Variants in PFDN1 observed in about 807,000 individuals in gnomAD.
The protein encoded by PFDN1 is prefoldin subunit 1, also known as prefoldin 1.
A neutral mutation model predicts 17.3 loss-of-function variants in PFDN1; 6 were observed. The observed-to-expected ratio is 0.35, with a 90% CI of 0.19 to 0.69. PFDN1 has a LOEUF of 0.69. Ranked by LOEUF, PFDN1 falls within the 30% of genes least tolerant of loss-of-function variation. The pLI, the probability that PFDN1 is intolerant of heterozygous loss-of-function variation, is 0.65. For missense variants in PFDN1, 113 were observed against 146.2 expected (o/e 0.77, Z 1.17); for synonymous variants, 58 against 50.1 (o/e 1.16, Z -0.67).
At chr5:140,279,834 A>G (rs969375707) in intron 3 of PFDN1, among the ~76,000 whole-genome samples, 1 of 151,814 alleles carries the variant, frequency 6.6e-6, no homozygotes, top group Non-Finnish European at 1.5e-5. Flanking sequence ...CATCTCTACT[A>G]AAAACACAAA....
chr5:140,264,106 G>A (rs57706954), intron 3 of PFDN1, among the ~76,000 whole-genome samples: 2,097 of 146,764 alleles, frequency 0.014, 46 homozygotes, highest in East Asian at 0.065. Flanking sequence ...TGGTGAAAGC[G>A]AGGCAAAAGA....
At chr5:140,283,239 AT>A (rs949802335) in intron 2 of PFDN1, among the ~76,000 whole-genome samples, 20 of 148,844 alleles carry the variant, frequency 1.3e-4, no homozygotes, top group South Asian at 2.1e-4. Context: ...AGCCCAGATA[AT>A]TTTTTTTTTT....
At chr5:140,302,552 A>G (rs1031965262) in intron 1 of PFDN1, among the ~76,000 whole-genome samples, 2 of 152,232 alleles carry the variant, frequency 1.3e-5, no homozygotes, top group African/African-American at 4.8e-5. Flanking sequence ...TTGCTGCTAC[A>G]ATGCTTGGTT....
intron 2 of PFDN1, among the ~76,000 whole-genome samples, chr5:140,289,552 C>T (rs1765548529): frequency 6.6e-6 from 1 of 152,172 alleles, no homozygotes; most frequent in South Asian, 2.1e-4. Flanking sequence ...ATACTACAAG[C>T]ACTATGCAAG....
chr5:140,270,363 T>C (rs1311838855), intron 3 of PFDN1, among the ~76,000 whole-genome samples: 2 of 151,894 alleles, frequency 1.3e-5, no homozygotes, highest in Non-Finnish European at 2.9e-5. Context: ...TTCAAAGGGA[T>C]AGTTGGGTAT....
intron 1 of PFDN1, among the ~76,000 whole-genome samples, chr5:140,302,292 C>T (rs1478216714): frequency 1.3e-5 from 2 of 152,170 alleles, no homozygotes; most frequent in Non-Finnish European, 2.9e-5. Context: ...ACAAAGCATA[C>T]TGGTTTGGGG....
intron 2 of PFDN1, among the ~76,000 whole-genome samples, chr5:140,299,999 G>A (rs979462695): frequency 5.4e-4 from 82 of 151,970 alleles, no homozygotes; most frequent in African/African-American, 1.8e-3. Context: ...GCGATATAGC[G>A]AAAACTCCGT....
At chr5:140,278,475 C>T (rs1483190676) in intron 3 of PFDN1, among the ~76,000 whole-genome samples, 1 of 140,464 alleles carries the variant, frequency 7.1e-6, no homozygotes, top group South Asian at 2.3e-4. Context: ...GCAGAAGAAT[C>T]GCTTGAACCT....
chr5:140,283,551 T>C (rs1715209131), intron 2 of PFDN1, among the ~76,000 whole-genome samples: 1 of 152,160 alleles, frequency 6.6e-6, no homozygotes, highest in South Asian at 2.1e-4. Context: ...CTGATGATCT[T>C]AGTCTTCAGT....
intron 2 of PFDN1, among the ~76,000 whole-genome samples, chr5:140,288,669 A>G (rs573261840): frequency 6.6e-6 from 1 of 152,296 alleles, no homozygotes; most frequent in African/African-American, 2.4e-5. Flanking sequence ...ATTTTTCCGT[A>G]CTACTAAAAC....
chr5:140,295,216 G>A (rs1765634963), intron 2 of PFDN1, among the ~76,000 whole-genome samples: 1 of 152,016 alleles, frequency 6.6e-6, no homozygotes, highest in African/African-American at 2.4e-5. Context: ...TTATTCTAAT[G>A]ATGGTCCTTT....
intron 3 of PFDN1, among the ~76,000 whole-genome samples, chr5:140,264,913 G>A (rs2126683249): frequency 6.6e-6 from 1 of 152,270 alleles, no homozygotes; most frequent in African/African-American, 2.4e-5. Context: ...TAATATGTGA[G>A]TATATATAGG....
chr5:140,270,532 G>A (rs1418848159), intron 3 of PFDN1, among the ~76,000 whole-genome samples: 2 of 151,996 alleles, frequency 1.3e-5, no homozygotes, highest in East Asian at 1.9e-4. Flanking sequence ...ATGAAGATGC[G>A]CCACCAGGAA....
chr5:140,271,759 C>T (rs371573415), intron 3 of PFDN1, among the ~76,000 whole-genome samples: 3 of 151,754 alleles, frequency 2.0e-5, no homozygotes, highest in African/African-American at 7.3e-5. Flanking sequence ...TTCTATATGA[C>T]GGGATACTAT....
At chr5:140,289,446 G>A (rs1339175462) in intron 2 of PFDN1, among the ~76,000 whole-genome samples, 1 of 152,156 alleles carries the variant, frequency 6.6e-6, no homozygotes, top group East Asian at 1.9e-4. Flanking sequence ...AACTCTGAGG[G>A]ATGCTGCTGC....
At chr5:140,290,184 T>C (rs1219296479) in intron 2 of PFDN1, among the ~76,000 whole-genome samples, 1 of 152,216 alleles carries the variant, frequency 6.6e-6, no homozygotes, top group Non-Finnish European at 1.5e-5. Context: ...AATTGAGTTC[T>C]AGGCTGAATC....
At chr5:140,276,031 T>C (rs1765286493) in intron 3 of PFDN1, among the ~76,000 whole-genome samples, 1 of 100,542 alleles carries the variant, frequency 9.9e-6, no homozygotes, top group Admixed American at 1.0e-4. Context: ...ATGATGATGA[T>C]GATGATGATG....
intron 3 of PFDN1, among the ~76,000 whole-genome samples, chr5:140,278,716 CAT>C (rs1241036477): frequency 1.3e-5 from 2 of 152,066 alleles, no homozygotes; most frequent in African/African-American, 4.8e-5. Context: ...TAAACACTGT[CAT>C]AGAGGAAGAT....
chr5:140,245,821 ATGGGGCTCAGGG>A lies in PFDN1; in HGVS notation c.*141_*152del, dbSNP rs1053800715. The A allele has an allele frequency of 1.8e-5, 11 of 628,032 alleles. No homozygotes were observed. The highest frequency in any genetic ancestry group is 1.6e-4 in the African/African-American group (9 of 54,588). 38.9% of individuals were successfully genotyped at this position (628,032 alleles called of 1,614,324 possible). A position where few individuals can be genotyped will look rare whatever the true frequency, so the allele number is the denominator to read the frequency against. Reference sequence around the variant, plus strand: ...TAAAAACTCCAGGGCTGGGAAGCAAATGGGGCTCAGGGTGATGCAGAAAATGTGATGTTGCCA... The same window carrying A: ...TAAAAACTCCAGGGCTGGGAAGCAAATGATGCAGAAAATGTGATGTTGCCA... On this transcript the variant is annotated 3_prime_UTR_variant, in exon 4 of 4. Transcript: ENST00000261813.
Sources: allele counts gnomAD v4.1 joint callset (sites outside exome capture counted in the v4.1 genomes callset), GRCh38; gene constraint gnomAD v4.1.1; transcripts MANE v1.5; gene names NCBI Gene and HGNC (gene_info 2026-07-23, HGNC 2026-07-21).